The following GNAS variants were observed in gnomAD, a reference collection of about 807,000 sequenced individuals.
GNAS encodes protein ALEX.
Under a neutral mutation model 54.5 loss-of-function variants are expected in GNAS, and 8 were observed. The observed-to-expected ratio is 0.15, with a 90% CI of 0.09 to 0.26. The LOEUF is 0.26. GNAS is among the 10% of genes least tolerant of loss of function. The pLI, the probability that GNAS is intolerant of heterozygous loss-of-function variation, is 1.00. For synonymous variants in GNAS, 204 were observed against 191.4 expected, an observed-to-expected ratio of 1.07 and a Z score of -0.54; for missense variants, 170 against 529.8, an observed-to-expected ratio of 0.32 and a Z score of 6.67.
intron 1 of GNAS, among the ~76,000 whole-genome samples, chr20:58,870,896 A>G (rs915085799): frequency 6.6e-6 from 1 of 152,182 alleles, no homozygotes; most frequent in African/African-American, 2.4e-5. Context: ...TCATAATATT[A>G]CAGGAAATCC....
intron 1 of GNAS, chr20:58,854,302 G>C (rs1236354039): frequency 6.2e-7 from 1 of 1,605,180 alleles, no homozygotes; most frequent in East Asian, 2.3e-5. Flanking sequence ...CCAGATAAGA[G>C]AGAGCGAGCA....
At chr20:58,840,040 A>C, upstream of GNAS, 1 of 1,564,282 alleles carries the variant, frequency 6.4e-7, no homozygotes. The surrounding 1 kb of genome is among the most constrained non-coding windows in gnomAD (Gnocchi z 6.0). Flanking sequence ...CCAGCAGCCA[A>C]TGTGCTTCGG....
rs374329015 is a variant in GNAS, at chr20:58,909,328, A to G, written c.586-22A>G. On this transcript the variant is annotated intron_variant, in intron 7 of 12. Transcript: ENST00000371085. This position sits in a 1 kb window ranked among gnomAD's most constrained non-coding sequence, Gnocchi z 7.3. ...GTTTCGGTTGGCTTTGGTGAGATCCATTGACCTCAATTTTGTTTCAGGACC... is the reference window on the plus strand; with the variant it reads ...GTTTCGGTTGGCTTTGGTGAGATCCGTTGACCTCAATTTTGTTTCAGGACC... 19 of 1,607,570 alleles carry G rather than the reference A, an allele frequency of 1.2e-5. No homozygotes were observed. In the Admixed American group the frequency reaches 1.8e-4, roughly 16 times the overall value.
At chr20:58,850,103 G>A (rs1211983669) in intron 1 of GNAS, among the ~76,000 whole-genome samples, 1 of 152,056 alleles carries the variant, frequency 6.6e-6, no homozygotes, top group Non-Finnish European at 1.5e-5. Flanking sequence ...TCCTTTGTTC[G>A]TGGTGGGCAA....
chr20:58,869,096 G>A (rs2145692163), intron 1 of GNAS, among the ~76,000 whole-genome samples: 1 of 152,274 alleles, frequency 6.6e-6, no homozygotes, highest in East Asian at 1.9e-4. Flanking sequence ...TTAACGAGTG[G>A]ATCTGAAGAT....
chr20:58,852,939 C>A, intron 1 of GNAS: 3 of 917,494 alleles, frequency 3.3e-6, no homozygotes, highest in Middle Eastern at 4.6e-4. Context: ...TCCAAGCAGG[C>A]GGGACTGGCC....
chr20:58,896,882 CAAA>C (rs1284082205), intron 2 of GNAS, among the ~76,000 whole-genome samples: 1 of 151,908 alleles, frequency 6.6e-6, no homozygotes, highest in African/African-American at 2.4e-5. Context: ...AACCACCCCC[CAAA>C]AAAACAAACA....
upstream of GNAS, chr20:58,840,457 C>T (rs748443274): frequency 6.2e-7 from 1 of 1,613,404 alleles, no homozygotes; most frequent in South Asian, 1.1e-5. The surrounding 1 kb of genome is among the most constrained non-coding windows in gnomAD (Gnocchi z 6.0). Context: ...AGACCGAGTC[C>T]GAAATCGAGT....
upstream of GNAS, chr20:58,840,791 G>C (rs1177136972): frequency 3.1e-6 from 5 of 1,611,920 alleles, no homozygotes; most frequent in Admixed American, 8.3e-5. This position sits in a 1 kb window ranked among gnomAD's most constrained non-coding sequence, Gnocchi z 6.0. Context: ...CCGCCGTGAC[G>C]CGTCCCCGGA....
rs2086555910 is a variant in GNAS at position 58,857,110 on chromosome 20, G to C, written c.43+16224G>C. 2 of 152,128 alleles carry C rather than the reference G, an allele frequency of 1.3e-5. No homozygotes were observed. 9.4% of individuals were successfully genotyped at this position (152,128 alleles called of 1,614,324 possible). ...AGACTTTCTCTAAGACCTTCCAAGG[G>C]ATTTCAAGATCACAGTTTTTAAGGC... On this transcript the variant is annotated intron_variant, in intron 1 of 12. Coordinates refer to the GNAS transcript ENST00000306090. The surrounding 1 kb of genome is among the most constrained non-coding windows in gnomAD (Gnocchi z 4.1).
intron 6 of GNAS, among the ~76,000 whole-genome samples, chr20:58,908,612 A>G (rs954862740): frequency 5.9e-5 from 9 of 151,976 alleles, no homozygotes; most frequent in African/African-American, 1.5e-4. Flanking sequence ...GAGGTATACA[A>G]TTTTCAAACT....
At chr20:58,854,086 C>G (rs769524256) in intron 1 of GNAS, 1 of 1,612,286 alleles carries the variant, frequency 6.2e-7, no homozygotes, top group East Asian at 2.2e-5. Flanking sequence ...AACGCGCCTC[C>G]CCTCTGGGTC....
intron 3 of GNAS, among the ~76,000 whole-genome samples, chr20:58,899,778 A>G (rs965378505): frequency 6.6e-6 from 1 of 152,102 alleles, no homozygotes; most frequent in Non-Finnish European, 1.5e-5. Flanking sequence ...TCTGCTGTGT[A>G]TTTAGCATGC....
intron 1 of GNAS, chr20:58,876,903 C>G (rs2145756105): frequency 6.6e-6 from 1 of 152,662 alleles, no homozygotes; most frequent in South Asian, 2.1e-4. Context: ...CAGCACCTCG[C>G]TGCAAACAGA....
intron 2 of GNAS, among the ~76,000 whole-genome samples, chr20:58,896,649 A>G (rs923362643): frequency 1.3e-5 from 2 of 152,096 alleles, no homozygotes; most frequent in Non-Finnish European, 2.9e-5. Context: ...AAGAAAAAAC[A>G]AAACAAAAAA....
rs532931044 is a variant in GNAS, at chr20:58,882,000, G to A, written c.44-13612G>A. ...ACCTAGAAGGGCTTTGTCCCAGTTA[G>A]ATTGTCTCTTTTCCCTACCTTTCTA... is the stretch of plus-strand genomic sequence containing the variant. On this transcript the variant is annotated intron_variant, in intron 1 of 12. Transcript: ENST00000306090. 2.0e-5 allele frequency among the ~76,000 whole-genome samples: 3 copies of A among 152,276 alleles called. No individual in the cohort carries two copies. The East Asian group carries it at 5.8e-4, about 29-fold the overall frequency.
chr20:58,878,903 G>A (rs942461830), intron 1 of GNAS, among the ~76,000 whole-genome samples: 1 of 143,712 alleles, frequency 7.0e-6, no homozygotes, highest in Non-Finnish European at 1.5e-5. Flanking sequence ...GTGGTGGTGG[G>A]GGTGCGGGTG....
At position 58,854,956 on chromosome 20, in the gene GNAS, A is replaced by G; in HGVS notation, c.43+14070A>G. Reference sequence around the variant, plus strand: ...GAGAGCAGCCGCGGCCGCCGCGTGTACTACGATGAAGGGGTGGCCAGCAGC... The same window carrying G: ...GAGAGCAGCCGCGGCCGCCGCGTGTGCTACGATGAAGGGGTGGCCAGCAGC... On this transcript the variant is annotated intron_variant, in intron 1 of 12. Transcript: ENST00000306090. 6.2e-7 allele frequency: 1 copy of G among 1,610,682 alleles called. No homozygotes were observed.
At chr20:58,892,151 C>CGCTCTCGCTCT in intron 1 of GNAS, 1 of 961,644 alleles carries the variant, frequency 1.0e-6, no homozygotes, top group Non-Finnish European at 1.2e-6. Context: ...CTCTCGCTCT[C>CGCTCTCGCTCT]CCCCTCTTTC....
Sources: allele counts gnomAD v4.1 joint callset (sites outside exome capture counted in the v4.1 genomes callset), GRCh38; gene constraint gnomAD v4.1.1; non-coding constraint Gnocchi (gnomAD v3.1); transcripts MANE v1.5; gene names NCBI Gene and HGNC (gene_info 2026-07-23, HGNC 2026-07-21).